DDA1: variants seen among roughly 807,000 people sequenced by gnomAD.
DDA1 encodes the protein DET1 and DDB1 associated 1.
Under a neutral mutation model 18.6 loss-of-function variants are expected in DDA1, and 3 were observed. The ratio of observed to expected loss-of-function variants is 0.16; its 90% CI spans 0.07 to 0.42. DDA1 has a LOEUF of 0.42. Ranked by LOEUF, DDA1 falls within the 10% of genes least tolerant of loss-of-function variation. The probability of loss-of-function intolerance (pLI) is 0.99; values close to 1 mark genes in which losing one functional copy is unlikely to be tolerated. For synonymous variants in DDA1, 52 were observed against 54.0 expected, an observed-to-expected ratio of 0.96 and a Z score of 0.17; for missense variants, 105 against 138.2, an observed-to-expected ratio of 0.76 and a Z score of 1.20.
chr19:17,309,572 T>G lies in DDA1; in HGVS notation c.-83T>G. On this transcript the variant is annotated 5_prime_UTR_variant, in exon 1 of 5. Coordinates refer to ENST00000359866, the MANE Select transcript of DDA1 (RefSeq NM_024050.6). ...GCTGTGCCGTGGCTGGAAGTTACTGTGAGGCGGCGGCTAAGAAGGCGGCTC... is the reference window on the plus strand; with the variant it reads ...GCTGTGCCGTGGCTGGAAGTTACTGGGAGGCGGCGGCTAAGAAGGCGGCTC... 2 of 1,426,318 alleles carry G rather than the reference T, an allele frequency of 1.4e-6. No individual in the cohort carries two copies. Among genetic ancestry groups the G allele is most frequent in the Non-Finnish European group, 2.0e-6 (2 of 1,013,274 alleles). 88.4% of individuals were successfully genotyped at this position (1,426,318 alleles called of 1,614,324 possible). A position where few individuals can be genotyped will look rare whatever the true frequency, so the allele number is the denominator to read the frequency against.
chr19:17,320,611 G>C lies in DDA1; in HGVS notation c.*955G>C, dbSNP rs2074235435. ...GGCAGCGCACCTGTCAGACACCGCA[G>C]AGATGGCCGGCCTCATCCGGGGGCC... On this transcript the variant is annotated 3_prime_UTR_variant, in exon 5 of 5. Coordinates refer to ENST00000359866, the MANE Select transcript of DDA1 (RefSeq NM_024050.6). The C allele has an allele frequency of 6.6e-6, 1 of 152,556 alleles. No homozygotes were observed. Among genetic ancestry groups the C allele is most frequent in the Non-Finnish European group, 1.5e-5 (1 of 68,292 alleles). 9.5% of individuals were successfully genotyped at this position (152,556 alleles called of 1,614,324 possible).
chr19:17,310,396 T>C (rs2074173723), intron 1 of DDA1, among the ~76,000 whole-genome samples: 1 of 150,996 alleles, frequency 6.6e-6, no homozygotes, highest in African/African-American at 2.4e-5. Flanking sequence ...ACCTGGCTGT[T>C]GGAAGGTTGA....
At chr19:17,315,214 TACACACACGTGTATAC>T (rs749890478) in intron 3 of DDA1, among the ~76,000 whole-genome samples, 3,045 of 24,154 alleles carry the variant, frequency 0.13, 564 homozygotes, top group Non-Finnish European at 0.19. Flanking sequence ...CACGTGTATA[TACACACACGTGTATAC>T]ACACACACGT....
intron 4 of DDA1, among the ~76,000 whole-genome samples, chr19:17,317,204 G>A (rs556862070): frequency 9.9e-5 from 15 of 151,796 alleles, no homozygotes; most frequent in South Asian, 6.2e-4. Flanking sequence ...CAGCCTGGGC[G>A]GTCTCAAGAA....
chr19:17,310,540 G>C (rs759260160), intron 1 of DDA1, among the ~76,000 whole-genome samples: 2 of 152,174 alleles, frequency 1.3e-5, no homozygotes, highest in African/African-American at 4.8e-5. Context: ...ACCCCCATTA[G>C]TTGGCATCCT....
In DDA1 at chr19:17,315,308, A is replaced by ATACACGCTATATATACACACGTG; in HGVS notation, c.137-624_137-623insCACGCTATATATACACACGTGTA. On this transcript the variant is annotated intron_variant, in intron 3 of 4. Coordinates refer to ENST00000359866, the MANE Select transcript of DDA1 (RefSeq NM_024050.6). ...ACACTATATATATACACACGTGTAT[A>ATACACGCTATATATACACACGTG]TATATACACGCTATATATATACACA... Among the ~76,000 whole-genome samples the ATACACGCTATATATACACACGTG allele has an allele frequency of 8.1e-5, 2 of 24,676 alleles. 1 individual carries two copies. The highest frequency in any genetic ancestry group is 2.2e-4 in the Non-Finnish European group (2 of 9,222). The allele number at this position is 24,676 out of a possible 152,430, so 16.2% of individuals were successfully genotyped here.
rs918942739 is a variant in DDA1, at chr19:17,319,739, C to T, written c.*83C>T. On this transcript the variant is annotated 3_prime_UTR_variant, in exon 5 of 5. Transcript: ENST00000359866. ...TGCCCGCCATGTGTAAGCACCCCGCCCGCCCGCCTCCCTGCCGGCCCATCC... is the reference window on the plus strand; with the variant it reads ...TGCCCGCCATGTGTAAGCACCCCGCTCGCCCGCCTCCCTGCCGGCCCATCC... 3.2e-6 allele frequency: 4 copies of T among 1,243,132 alleles called. No homozygotes were observed. The African/African-American group carries it at 5.9e-5, about 18-fold the overall frequency. 77.0% of individuals were successfully genotyped at this position (1,243,132 alleles called of 1,614,324 possible). A position where few individuals can be genotyped will look rare whatever the true frequency, so the allele number is the denominator to read the frequency against.
chr19:17,315,931 T>C lies in DDA1; in HGVS notation c.137-3T>C. 1 of 1,614,096 alleles carries C rather than the reference T, an allele frequency of 6.2e-7. No homozygotes were observed. Among genetic ancestry groups the C allele is most frequent in the Non-Finnish European group, 8.5e-7 (1 of 1,179,984 alleles). ...TGCGACTTTCTCTATCTTTCCTCCT[T>C]AGTCATCGTGACAGAAAAGACAAAC... On this transcript the variant is annotated splice_polypyrimidine_tract_variant and splice_region_variant and intron_variant, in intron 3 of 4. Coordinates refer to ENST00000359866, the MANE Select transcript of DDA1 (RefSeq NM_024050.6).
At chr19:17,319,430 T>C (rs1042328176) in intron 4 of DDA1, 116 bp from the exon 5 acceptor site, 6 of 751,412 alleles carry the variant, frequency 8.0e-6, no homozygotes, top group Middle Eastern at 3.3e-4. Flanking sequence ...CGTGGTGGTA[T>C]GTGCCTGTAG....
In DDA1 at chr19:17,319,799, G is replaced by A. The variant is rs2145678915; in HGVS notation, c.*143G>A. On this transcript the variant is annotated 3_prime_UTR_variant, in exon 5 of 5. Coordinates refer to ENST00000359866, the MANE Select transcript of DDA1 (RefSeq NM_024050.6). ...GTCCACACCACTTCCAACCTCATAG[G>A]AGCCGATGTATTTATTTTCCTTGAG... 3.2e-6 allele frequency: 2 copies of A among 629,168 alleles called. No homozygotes were observed. 39.0% of individuals were successfully genotyped at this position (629,168 alleles called of 1,614,324 possible).
intron 4 of DDA1, among the ~76,000 whole-genome samples, chr19:17,317,316 T>C (rs1396577751): frequency 2.6e-5 from 4 of 152,154 alleles, no homozygotes; most frequent in Non-Finnish European, 5.9e-5. Flanking sequence ...GAGACCATCC[T>C]GGCTAACACG....
rs181387516 is a variant in DDA1, at chr19:17,320,033, C to A, written c.*377C>A. On this transcript the variant is annotated 3_prime_UTR_variant, in exon 5 of 5. Transcript: ENST00000359866. ...TCTCTAGCGGGGGCTTTACTGTGGC[C>A]GGGCGACAGGGGCGGGCCCGGGGTG... 246 of 183,940 alleles carry A rather than the reference C, an allele frequency of 1.3e-3. 4 individuals carry two copies. Among genetic ancestry groups the A allele is most frequent in the Admixed American group, 0.011 (191 of 16,788 alleles). 11.4% of individuals were successfully genotyped at this position (183,940 alleles called of 1,614,324 possible).
intron 3 of DDA1, 120 bp from the exon 4 acceptor site, chr19:17,315,814 T>G: frequency 1.1e-6 from 1 of 923,080 alleles, no homozygotes; most frequent in Non-Finnish European, 1.8e-6. Flanking sequence ...ATGGGACTTT[T>G]GGAGATCTCT....
intron 1 of DDA1, among the ~76,000 whole-genome samples, chr19:17,310,847 G>A (rs995393527): frequency 5.3e-5 from 8 of 152,286 alleles, no homozygotes; most frequent in Non-Finnish European, 8.8e-5. Flanking sequence ...CCTGTTGCAG[G>A]TACTGCCACT....
chr19:17,315,158 T>TAC (rs376839201), intron 3 of DDA1, among the ~76,000 whole-genome samples: 6 of 29,128 alleles, frequency 2.1e-4, no homozygotes, highest in Admixed American at 4.6e-4. Context: ...CACGTATATA[T>TAC]ACACACGTGT....
intron 1 of DDA1, 89 bp downstream of exon 1, chr19:17,309,746 T>C: frequency 1.3e-6 from 2 of 1,511,590 alleles, no homozygotes; most frequent in African/African-American, 1.4e-5. Context: ...CCTAGGCCCC[T>C]CTCCGTTCTG....
intron 4 of DDA1, among the ~76,000 whole-genome samples, chr19:17,318,419 C>T (rs972898884): frequency 2.0e-5 from 3 of 151,692 alleles, no homozygotes; most frequent in Non-Finnish European, 4.4e-5. Context: ...TTAGTAGAGG[C>T]GGGGTTTCTC....
At chr19:17,310,457 T>G (rs2074174034) in intron 1 of DDA1, among the ~76,000 whole-genome samples, 2 of 152,188 alleles carry the variant, frequency 1.3e-5, no homozygotes, top group Non-Finnish European at 2.9e-5. Flanking sequence ...TGGTGGTTCT[T>G]CGGGGTTCAG....
intron 3 of DDA1, among the ~76,000 whole-genome samples, chr19:17,315,222 CGT>C (rs1199728027): frequency 0.032 from 658 of 20,556 alleles, 143 homozygotes; most frequent in Non-Finnish European, 0.043. Context: ...TATACACACA[CGT>C]GTATACACAC....
Sources: allele counts gnomAD v4.1 joint callset (sites outside exome capture counted in the v4.1 genomes callset), GRCh38; gene constraint gnomAD v4.1.1; transcripts MANE v1.5; gene names NCBI Gene and HGNC (gene_info 2026-07-23, HGNC 2026-07-21).